FRYL: variants seen among roughly 807,000 people sequenced by gnomAD.
FRYL encodes FRY like transcription coactivator, also known as protein furry homolog-like.
A neutral mutation model predicts 351.2 loss-of-function variants in FRYL; 150 were observed. That is an observed-to-expected ratio of 0.43 (90% CI 0.37 to 0.49). The LOEUF (loss-of-function observed/expected upper bound fraction) is 0.49. FRYL is among the 20% of genes least tolerant of loss of function. FRYL has a pLI of 0.00. For synonymous variants in FRYL, 1,153 were observed against 1,257.1 expected (o/e 0.92, Z 1.75); for missense variants, 3,036 against 3,619.3 (o/e 0.84, Z 4.13).
intron 44 of FRYL, among the ~76,000 whole-genome samples, chr4:48,543,176 A>G (rs755178179): frequency 2.0e-5 from 3 of 152,144 alleles, no homozygotes; most frequent in Non-Finnish European, 2.9e-5. Context: ...AACAGAACCT[A>G]CTTCATTTCA....
At position 48,499,585 on chromosome 4, in the gene FRYL, G is replaced by C. The variant is rs760777397; in HGVS notation, c.8879C>G (p.Thr2960Arg). The change falls in exon 64 of 64, where the codon ACA becomes AGA. Residue 2960 changes from threonine (T) to arginine (R), a missense_variant. This residue lies in a region of FRYL where 1,987 missense variants were observed against 2,311.7 expected (regional missense o/e 0.86). Transcript: ENST00000358350. Reference protein sequence around the residue: ...IYFHHQTLGQTGSFAVIGSNL... With the variant: ...IYFHHQTLGQRGSFAVIGSNL... ...AGAGCCTATAACTGCAAAGCTTCCTGTCTGGCCCAGCGTCTGATGATGGAA... is the reference window on the plus strand; with the variant it reads ...AGAGCCTATAACTGCAAAGCTTCCTCTCTGGCCCAGCGTCTGATGATGGAA... 1 of 1,614,102 alleles carries C rather than the reference G, an allele frequency of 6.2e-7. No homozygotes were observed. The highest frequency in any genetic ancestry group is 1.1e-5 in the South Asian group (1 of 91,082).
At position 48,521,084 on chromosome 4, in the gene FRYL, C is replaced by G; in HGVS notation, c.7653G>C (p.Glu2551Asp). 1 of 1,613,470 alleles carries G rather than the reference C, an allele frequency of 6.2e-7. No individual in the cohort carries two copies. ...GGCTGTTAGCATTATCTAGAGAAGC[C>G]TCCAAAGTTGGGGTCTCATCCCTGA... is the stretch of plus-strand genomic sequence containing the variant. ...LQIRDETPTL[E>D]ASLDNANSRL... Residue 2551 changes from glutamate (E) to aspartate (D), a missense_variant, in exon 55 of 64, where the codon GAG becomes GAC. By Grantham distance (45) the Glu-to-Asp change is conservative. Coordinates refer to ENST00000358350, the MANE Select transcript of FRYL (RefSeq NM_015030.2).
At chr4:48,535,969 T>A in intron 47 of FRYL, 142 bp from the exon 48 acceptor site, 2 of 616,572 alleles carry the variant, frequency 3.2e-6, no homozygotes, top group African/African-American at 1.9e-5. Context: ...GTTAGAAAAG[T>A]GAAACGAGAA....
chr4:48,582,396 A>C, intron 20 of FRYL, 101 bp downstream of exon 20: 1 of 756,416 alleles, frequency 1.3e-6, no homozygotes, highest in Non-Finnish European at 2.2e-6. Flanking sequence ...AATAGAACTA[A>C]TAATACTTTT....
intron 23 of FRYL, 98 bp from the exon 24 acceptor site, chr4:48,576,320 GAGAC>G: frequency 1.4e-6 from 1 of 692,386 alleles, no homozygotes; most frequent in Non-Finnish European, 2.0e-6. Flanking sequence ...TTTTTTTTTT[GAGAC>G]AGAGTGTCAC....
intron 1 of FRYL, among the ~76,000 whole-genome samples, chr4:48,763,553 G>A (rs1244318193): frequency 6.6e-6 from 1 of 152,068 alleles, no homozygotes; most frequent in Non-Finnish European, 1.5e-5. Flanking sequence ...TGGAGTACAT[G>A]TACCCCTTAA....
chr4:48,734,232 C>T (rs1041035634), intron 1 of FRYL, among the ~76,000 whole-genome samples: 1 of 152,128 alleles, frequency 6.6e-6, no homozygotes, highest in African/African-American at 2.4e-5. Context: ...GTCATGCTAA[C>T]ACTAATCAAA....
chr4:48,769,703 C>G (rs2109407622), intron 1 of FRYL, among the ~76,000 whole-genome samples: 1 of 152,308 alleles, frequency 6.6e-6, no homozygotes, highest in East Asian at 1.9e-4. Flanking sequence ...AAGAGTTAAA[C>G]TATGTACTCT....
At chr4:48,721,102 C>A (rs1303388431) in intron 1 of FRYL, among the ~76,000 whole-genome samples, 2 of 152,160 alleles carry the variant, frequency 1.3e-5, no homozygotes, top group Admixed American at 6.5e-5. Flanking sequence ...GCAAGTAGGC[C>A]TCCCATGTCA....
chr4:48,712,866 C>T (rs1434259829), intron 1 of FRYL, among the ~76,000 whole-genome samples: 1 of 152,200 alleles, frequency 6.6e-6, no homozygotes, highest in East Asian at 1.9e-4. Flanking sequence ...GCCCATCAGA[C>T]TAACAGCGGA....
intron 26 of FRYL, among the ~76,000 whole-genome samples, chr4:48,571,383 C>T (rs1463586401): frequency 2.6e-5 from 4 of 152,160 alleles, no homozygotes; most frequent in Non-Finnish European, 5.9e-5. Flanking sequence ...AGAAAAACTT[C>T]TTTACTCATT....
In FRYL at chr4:48,579,035, C is replaced by T. The variant is rs1429366239; in HGVS notation, c.2466G>A (p.Val822=). 1 of 1,613,654 alleles carries T rather than the reference C, an allele frequency of 6.2e-7. No homozygotes were observed. The highest frequency in any genetic ancestry group is 1.7e-5 in the Admixed American group (1 of 59,986). ...TGTATGCAAACATCCAAGCATAGCTCACAGCTGTAGAGCAGTGTTTAGGAA... is the reference window on the plus strand; with the variant it reads ...TGTATGCAAACATCCAAGCATAGCTTACAGCTGTAGAGCAGTGTTTAGGAA... ...ENLPKHCSTA[V]SYAWMFAYTR... The change falls in exon 23 of 64, where the codon GTG becomes GTA. Residue 822 remains valine (V), a synonymous_variant. Transcript: ENST00000358350.
chr4:48,516,403 G>T (rs898296334), intron 55 of FRYL, among the ~76,000 whole-genome samples: 2 of 152,172 alleles, frequency 1.3e-5, no homozygotes, highest in African/African-American at 4.8e-5. Context: ...AAGCATATAT[G>T]ATGATGGTAT....
chr4:48,529,509 T>A (rs1577962051), intron 50 of FRYL, among the ~76,000 whole-genome samples: 1 of 152,206 alleles, frequency 6.6e-6, no homozygotes, highest in East Asian at 1.9e-4. Flanking sequence ...TCCCATGCTA[T>A]TATACATACA....
chr4:48,672,175 G>A (rs1238678665), intron 3 of FRYL, among the ~76,000 whole-genome samples: 1 of 152,180 alleles, frequency 6.6e-6, no homozygotes, highest in Non-Finnish European at 1.5e-5. Context: ...CTAGAAAGAA[G>A]ATATGATTCA....
In FRYL at chr4:48,553,242, T is replaced by C; in HGVS notation, c.4408A>G (p.Ser1470Gly). The C allele has an allele frequency of 1.2e-6, 2 of 1,612,968 alleles. No homozygotes were observed. The highest frequency in any genetic ancestry group is 1.7e-6 in the Non-Finnish European group (2 of 1,179,668). The change falls in exon 36 of 64, where the codon AGC (serine) becomes GGC (glycine). Residue 1470 changes from serine to glycine, a missense_variant. Physicochemically the swap from Ser to Gly is moderately conservative, Grantham distance 56. Transcript: ENST00000358350. ...GAGGTGACAGAAGGGATTTTATAGC[T>C]GGAAGTGATGCGATAATACGGGGGA... Reference protein sequence around the residue: ...DNPPYYRITSSYKIPSVTSGT... With the variant: ...DNPPYYRITSGYKIPSVTSGT...
chr4:48,641,022 A>T (rs1399588864), intron 3 of FRYL, among the ~76,000 whole-genome samples: 1 of 152,220 alleles, frequency 6.6e-6, no homozygotes, highest in Non-Finnish European at 1.5e-5. Context: ...ACAGATTAAA[A>T]GTAGTGAACA....
At chr4:48,779,413 G>A (rs1000471643) in intron 1 of FRYL, among the ~76,000 whole-genome samples, 11 of 152,138 alleles carry the variant, frequency 7.2e-5, no homozygotes, top group African/African-American at 1.9e-4. Flanking sequence ...GGGGCTGCGC[G>A]GGCACAGCGC....
At chr4:48,656,120 AAAT>A (rs974118674) in intron 3 of FRYL, among the ~76,000 whole-genome samples, 27 of 48,950 alleles carry the variant, frequency 5.5e-4, no homozygotes, top group African/African-American at 1.1e-3. Context: ...ATATATACAT[AAAT>A]AATATATACA....
Sources: gnomAD v4.1 joint callset for allele counts (sites outside exome capture counted in the v4.1 genomes callset) on GRCh38, gnomAD v4.1.1 for gene constraint, gnomAD v4.1.1 regional missense constraint, MANE v1.5 for transcripts, NCBI Gene and HGNC (gene_info 2026-07-23, HGNC 2026-07-21) for gene names.